The following TENM1 variants were observed in gnomAD, a reference collection of about 807,000 sequenced individuals.
TENM1 encodes the protein teneurin-1.
Under a neutral mutation model 174.8 loss-of-function variants are expected in TENM1, and 35 were observed. The ratio of observed to expected loss-of-function variants is 0.20; its 90% CI spans 0.15 to 0.27. TENM1 has a LOEUF of 0.27. TENM1 is among the 10% of genes least tolerant of loss of function. The pLI is 1.00. For synonymous variants in TENM1, 781 were observed against 798.7 expected (o/e 0.98, Z 0.37); for missense variants, 1,633 against 2,130.1 (o/e 0.77, Z 4.59).
the TENM1 span, among the ~76,000 whole-genome samples, chrX:125,009,525 CATTGT>C: frequency 3.6e-5 from 4 of 111,510 alleles, no homozygotes; most frequent in Non-Finnish European, 5.6e-5. Flanking sequence ...CTCCCTAACT[CATTGT>C]ATGAGGCCAG....
At chrX:124,991,417 T>G in the TENM1 span, among the ~76,000 whole-genome samples, 1 of 110,339 alleles carries the variant, frequency 9.1e-6, no homozygotes, top group African/African-American at 3.3e-5. Flanking sequence ...AGGCTAGCTA[T>G]GCCCTTCTTG....
At chrX:125,163,827 G>A in the TENM1 span, among the ~76,000 whole-genome samples, 1 of 110,645 alleles carries the variant, frequency 9.0e-6, no homozygotes, top group Admixed American at 9.6e-5. Context: ...TTTCCATAAG[G>A]ACTTATTTTG....
chrX:124,453,385 C>T, exon 23 of TENM1: 1 of 1,210,773 alleles, frequency 8.3e-7, no homozygotes, highest in South Asian at 1.8e-5. Context: ...GTGTGGAAGT[C>T]AGACCATTTG....
chrX:124,752,341 T>A (rs1190844509), intron 3 of TENM1, among the ~76,000 whole-genome samples: 1 of 111,898 alleles, frequency 8.9e-6, no homozygotes, highest in Admixed American at 9.5e-5. Flanking sequence ...ATGGGGCTGT[T>A]TGTTTTTTTC....
At chrX:125,196,078 T>A in the TENM1 span, among the ~76,000 whole-genome samples, 1 of 110,379 alleles carries the variant, frequency 9.1e-6, no homozygotes, top group Non-Finnish European at 1.9e-5. Context: ...TTATTGATAA[T>A]TTAAAATGTA....
At chrX:124,941,223 T>C (rs2058321309) in intron 1 of TENM1, among the ~76,000 whole-genome samples, 1 of 111,982 alleles carries the variant, frequency 8.9e-6, no homozygotes, top group Admixed American at 9.5e-5. Flanking sequence ...TAAAAATCTC[T>C]TTTTTCAAAG....
intron 3 of TENM1, among the ~76,000 whole-genome samples, chrX:124,821,682 ACTGGTT>A (rs1421341642): frequency 8.9e-6 from 1 of 112,165 alleles, no homozygotes; most frequent in Non-Finnish European, 1.9e-5. Context: ...AGGTGGAAGC[ACTGGTT>A]CTGTAATTCA....
At chrX:124,959,510 C>A (rs1304157615) in intron 1 of TENM1, among the ~76,000 whole-genome samples, 1 of 110,839 alleles carries the variant, frequency 9.0e-6, no homozygotes, top group East Asian at 2.8e-4. Flanking sequence ...TATACACTCT[C>A]CCTGGGTAAT....
chrX:124,723,704 G>A (rs772841700), intron 4 of TENM1, among the ~76,000 whole-genome samples: 6 of 105,012 alleles, frequency 5.7e-5, no homozygotes, highest in South Asian at 4.5e-4. Context: ...GGGTTCCAGC[G>A]ATTCTCCAGC....
intron 1 of TENM1, among the ~76,000 whole-genome samples, chrX:124,953,313 A>G (rs1405406196): frequency 8.9e-6 from 1 of 111,875 alleles, no homozygotes; most frequent in Non-Finnish European, 1.9e-5. Flanking sequence ...ATGAACTGAA[A>G]CCCTCCGAGG....
At chrX:125,194,734 G>A in the TENM1 span, among the ~76,000 whole-genome samples, 1 of 111,312 alleles carries the variant, frequency 9.0e-6, no homozygotes, top group South Asian at 3.8e-4. Flanking sequence ...CCCCAGGCTC[G>A]GATAGGAAAT....
chrX:125,201,713 C>A, the TENM1 span, among the ~76,000 whole-genome samples: 2 of 111,512 alleles, frequency 1.8e-5, no homozygotes, highest in Non-Finnish European at 3.8e-5. Flanking sequence ...TTACCTGATC[C>A]CTTTTTAAAT....
At chrX:125,114,334 G>C in the TENM1 span, among the ~76,000 whole-genome samples, 1 of 111,024 alleles carries the variant, frequency 9.0e-6, no homozygotes, top group African/African-American at 3.3e-5. Context: ...CAACACCCTA[G>C]TATCACAATT....
chrX:124,590,334 C>A (rs966541480), intron 11 of TENM1, among the ~76,000 whole-genome samples: 5 of 109,935 alleles, frequency 4.5e-5, no homozygotes, highest in African/African-American at 1.7e-4. Context: ...TATACACCAA[C>A]AACATACAAA....
intron 3 of TENM1, among the ~76,000 whole-genome samples, chrX:124,884,497 T>C (rs762359719): frequency 1.8e-5 from 2 of 111,085 alleles, no homozygotes; most frequent in Non-Finnish European, 3.8e-5. Context: ...GGGTTCTCCA[T>C]AGCTAGGACT....
chrX:125,126,443 C>G, the TENM1 span, among the ~76,000 whole-genome samples: 1,436 of 110,973 alleles, frequency 0.013, 26 homozygotes, highest in African/African-American at 0.044. Context: ...TACTCCAGAG[C>G]CTTTGAAGCA....
At chrX:124,943,296 G>C (rs1314992036) in intron 1 of TENM1, among the ~76,000 whole-genome samples, 2 of 111,352 alleles carry the variant, frequency 1.8e-5, no homozygotes, top group Non-Finnish European at 3.8e-5. Context: ...TGCACAAAAG[G>C]TTAGAAGACA....
chrX:125,087,209 T>C, the TENM1 span, among the ~76,000 whole-genome samples: 2 of 111,130 alleles, frequency 1.8e-5, no homozygotes, highest in South Asian at 3.7e-4. Flanking sequence ...CAATGTCAAT[T>C]GCCTCTCTTT....
intron 1 of TENM1, among the ~76,000 whole-genome samples, chrX:124,918,855 A>T (rs2147669363): frequency 8.9e-6 from 1 of 111,842 alleles, no homozygotes; most frequent in East Asian, 2.8e-4. Context: ...GCAATTTTTT[A>T]AAAAATGGAG....
Sources: allele counts gnomAD v4.1 joint callset (sites outside exome capture counted in the v4.1 genomes callset), GRCh38; gene constraint gnomAD v4.1.1; transcripts MANE v1.5; gene names NCBI Gene and HGNC (gene_info 2026-07-23, HGNC 2026-07-21).